SCGB2B2: variants seen among roughly 807,000 people sequenced by gnomAD.
The protein encoded by SCGB2B2 is secretoglobin family 2B member 2, also known as secretoglobin-like protein.
SCGB2B2 carries 11 observed loss-of-function variants against 7.6 expected under a neutral mutation model. The observed-to-expected ratio is 1.45, with a 90% CI of 0.91 to 2.40. The LOEUF (loss-of-function observed/expected upper bound fraction) is 2.40, where lower values mean the gene tolerates loss of function less well. Ranked by LOEUF, SCGB2B2 falls within the 30% of genes most tolerant of loss-of-function variation. The pLI, the probability that SCGB2B2 is intolerant of heterozygous loss-of-function variation, is 0.00. For missense variants in SCGB2B2, 104 were observed against 115.4 expected, an observed-to-expected ratio of 0.90 and a Z score of 0.45; for synonymous variants, 50 against 48.6, an observed-to-expected ratio of 1.03 and a Z score of -0.12.
rs533166080 is a variant in SCGB2B2 at position 34,596,000 on chromosome 19, A to G, written c.-1437T>C. On this transcript the variant is annotated 5_prime_UTR_variant, in exon 2 of 4. Transcript: ENST00000601241. ...TGAGAGCCATGTAGAACCGCAGAGC[A>G]GTTCCTAGATTAGGCTGTGCCACCC... is the stretch of plus-strand genomic sequence containing the variant. 2.0e-5 allele frequency: 3 copies of G among 152,482 alleles called. No homozygotes were observed. Among genetic ancestry groups the G allele is most frequent in the East Asian group, 3.9e-4 (2 of 5,192 alleles). 9.4% of individuals were successfully genotyped at this position (152,482 alleles called of 1,614,324 possible). A position where few individuals can be genotyped will look rare whatever the true frequency, so the allele number is the denominator to read the frequency against.
At chr19:34,589,082 C>T (rs1005450652), downstream of SCGB2B2, among the ~76,000 whole-genome samples, 7 of 151,954 alleles carry the variant, frequency 4.6e-5, no homozygotes, top group Admixed American at 1.3e-4. Context: ...TGTGTGGTGA[C>T]GTGATGAGAC....
intron 1 of SCGB2B2, among the ~76,000 whole-genome samples, chr19:34,665,529 A>G (rs28605044): frequency 0.09 from 13,750 of 152,262 alleles, 795 homozygotes; most frequent in Middle Eastern, 0.21. Context: ...CGATCTGGTC[A>G]TGTCATGCAG....
chr19:34,646,044 AG>A (rs2067002605), intron 1 of SCGB2B2: 1 of 272,388 alleles, frequency 3.7e-6, no homozygotes, highest in Non-Finnish European at 7.2e-6. Context: ...ATTCCCAGAA[AG>A]CCTTGCTGTT....
At chr19:34,622,859 G>C (rs572647249) in intron 1 of SCGB2B2, among the ~76,000 whole-genome samples, 1 of 151,726 alleles carries the variant, frequency 6.6e-6, no homozygotes, top group Non-Finnish European at 1.5e-5. Context: ...AGATAGAAAG[G>C]TGTGTTTCAC....
intron 1 of SCGB2B2, among the ~76,000 whole-genome samples, chr19:34,639,047 C>T (rs1157660708): frequency 6.6e-6 from 1 of 152,204 alleles, no homozygotes; most frequent in East Asian, 1.9e-4. Context: ...GACTTACCTC[C>T]ATCCTGAAAG....
intron 1 of SCGB2B2, among the ~76,000 whole-genome samples, chr19:34,607,392 G>C (rs971172091): frequency 6.6e-6 from 1 of 152,018 alleles, no homozygotes; most frequent in Non-Finnish European, 1.5e-5. Context: ...TCCCTATCTT[G>C]GTGACCATGA....
chr19:34,593,477 G>T lies in SCGB2B2; in HGVS notation c.*78C>A. ...TGTTCATTGGGGTCTCTGTAGTGAT[G>T]AACAGAGCCAGGCCAGGAACGCGGG... On this transcript the variant is annotated 3_prime_UTR_variant, in exon 4 of 4. Coordinates refer to ENST00000601241, the MANE Select transcript of SCGB2B2 (RefSeq NM_001025591.4). The T allele has an allele frequency of 1.8e-6, 2 of 1,116,156 alleles. No individual in the cohort carries two copies. The highest frequency in any genetic ancestry group is 1.3e-5 in the South Asian group (1 of 74,750). The allele number at this position is 1,116,156 out of a possible 1,614,324, so 69.1% of individuals were successfully genotyped here.
intron 1 of SCGB2B2, among the ~76,000 whole-genome samples, chr19:34,625,329 C>T (rs1205712424): frequency 2.6e-5 from 4 of 152,206 alleles, no homozygotes; most frequent in East Asian, 1.9e-4. Context: ...GGCATCATCT[C>T]ATCCGGGAAG....
chr19:34,664,587 C>T (rs993372075), intron 1 of SCGB2B2, among the ~76,000 whole-genome samples: 27 of 152,312 alleles, frequency 1.8e-4, no homozygotes, highest in African/African-American at 6.5e-4. Flanking sequence ...CTACTGCAGC[C>T]CAGTGCACTG....
chr19:34,615,439 ATT>A (rs74183311), intron 1 of SCGB2B2, among the ~76,000 whole-genome samples: 3,352 of 133,656 alleles, frequency 0.025, 133 homozygotes, highest in African/African-American at 0.089. Flanking sequence ...GAGGTCCAGC[ATT>A]TTTTTTTTTT....
intron 1 of SCGB2B2, among the ~76,000 whole-genome samples, chr19:34,665,031 C>T (rs542897968): frequency 3.5e-4 from 54 of 152,350 alleles, no homozygotes; most frequent in Non-Finnish European, 6.5e-4. Flanking sequence ...ACCTGGTGGC[C>T]CCAAGGCTGC....
In SCGB2B2 at chr19:34,642,714, C is replaced by CAAAAAAAAAAA. The variant is rs55922005; in HGVS notation, c.-2032+32905_-2032+32915dup. Among the ~76,000 whole-genome samples the CAAAAAAAAAAA allele has an allele frequency of 7.5e-5, 3 of 39,870 alleles. 1 individual carries two copies. The highest frequency in any genetic ancestry group is 1.3e-4 in the Non-Finnish European group (3 of 23,898). 26.2% of individuals were successfully genotyped at this position (39,870 alleles called of 152,430 possible). On this transcript the variant is annotated intron_variant, in intron 1 of 3. Transcript: ENST00000601241. ...TGGGCGACAGAGCAAGACTCCGTCT[C>CAAAAAAAAAAA]AAAAAAAAAAAAAAAAAAAAAAAAA...
chr19:34,644,385 A>G (rs934881788), intron 1 of SCGB2B2, among the ~76,000 whole-genome samples: 1 of 148,768 alleles, frequency 6.7e-6, no homozygotes. Flanking sequence ...TACTCTGGTA[A>G]AATATACATA....
chr19:34,625,492 G>T (rs969532073), intron 1 of SCGB2B2, among the ~76,000 whole-genome samples: 2 of 152,210 alleles, frequency 1.3e-5, no homozygotes, highest in East Asian at 3.9e-4. Context: ...TGGCTCGGAG[G>T]GTCCTACAAC....
At chr19:34,669,849 T>C (rs1169216771) in intron 1 of SCGB2B2, among the ~76,000 whole-genome samples, 1 of 152,144 alleles carries the variant, frequency 6.6e-6, no homozygotes, top group Non-Finnish European at 1.5e-5. Flanking sequence ...GGGCACACCA[T>C]GCCACACAGG....
chr19:34,642,518 A>C (rs1405511323), intron 1 of SCGB2B2, among the ~76,000 whole-genome samples: 1 of 152,020 alleles, frequency 6.6e-6, no homozygotes, highest in Admixed American at 6.6e-5. Context: ...GTTCAAGACT[A>C]GCCTGGCCAA....
chr19:34,659,824 T>C (rs2067400530), intron 1 of SCGB2B2, among the ~76,000 whole-genome samples: 3 of 152,156 alleles, frequency 2.0e-5, no homozygotes, highest in South Asian at 4.1e-4. Context: ...AGAGCCTGCA[T>C]AGCCAGGAAA....
chr19:34,607,274 T>C (rs1021859934), intron 1 of SCGB2B2, among the ~76,000 whole-genome samples: 7 of 152,134 alleles, frequency 4.6e-5, no homozygotes, highest in Admixed American at 2.6e-4. Flanking sequence ...TTATAAAACA[T>C]AGAAAGATAG....
chr19:34,601,113 T>C (rs1391479031), intron 1 of SCGB2B2, among the ~76,000 whole-genome samples: 1 of 152,212 alleles, frequency 6.6e-6, no homozygotes, highest in Non-Finnish European at 1.5e-5. Flanking sequence ...TATTTAGATA[T>C]CCTGTTGTCC....
Sources: gnomAD v4.1 joint callset for allele counts (sites outside exome capture counted in the v4.1 genomes callset) on GRCh38, gnomAD v4.1.1 for gene constraint, MANE v1.5 for transcripts, NCBI Gene and HGNC (gene_info 2026-07-23, HGNC 2026-07-21) for gene names.